ARMCX4: variants seen among roughly 807,000 people sequenced by gnomAD.
The protein encoded by ARMCX4 is armadillo repeat-containing X-linked protein 4.
In ARMCX4, 3 loss-of-function variants were observed where a neutral mutation model predicts 34.7. The ratio of observed to expected loss-of-function variants is 0.09; its 90% CI spans 0.04 to 0.22. The LOEUF is 0.22. Ranked by LOEUF, ARMCX4 falls within the 10% of genes least tolerant of loss-of-function variation. ARMCX4 has a pLI of 1.00. For missense variants in ARMCX4, 1,448 were observed against 1,720.8 expected (o/e 0.84, Z 2.81); for synonymous variants, 513 against 632.8 (o/e 0.81, Z 2.84).
chrX:101,443,947 A>G, intron 2 of ARMCX4: 1 of 380,648 alleles, frequency 2.6e-6, no homozygotes, highest in Non-Finnish European at 5.1e-6. Flanking sequence ...CATAGTTGGA[A>G]TTGCCATCAA....
At position 101,495,441 on chromosome X, in the gene ARMCX4, G is replaced by A; in HGVS notation, c.6852G>A (p.Glu2284=). 9.0e-7 allele frequency: 1 copy of A among 1,110,146 alleles called. No individual in the cohort carries two copies. Among genetic ancestry groups the A allele is most frequent in the Non-Finnish European group, 1.2e-6 (1 of 851,348 alleles). The allele number at this position is 1,110,146 out of a possible 1,213,427, so 91.5% of individuals were successfully genotyped here. ...ACCCTGAGGTGAAAGAGAGAGTTGA[G>A]CTATTAATAAGTAAACTCTGATTGG... ...CNDPEVKERV[E]LLISKL Residue 2284 remains glutamate, a synonymous_variant, in exon 6 of 6, where the codon GAG becomes GAA. Coordinates refer to ENST00000423738, the MANE Select transcript of ARMCX4 (RefSeq NM_001256155.3).
intron 7 of ARMCX4, among the ~76,000 whole-genome samples, chrX:101,502,136 A>G (rs1556013816): frequency 8.9e-6 from 1 of 112,632 alleles, no homozygotes; most frequent in Non-Finnish European, 1.9e-5. Context: ...ATGCCTGACT[A>G]TAGAACATCT....
chrX:101,512,852 G>GTA (rs1375547243), intron 11 of ARMCX4, among the ~76,000 whole-genome samples: 1 of 47,981 alleles, frequency 2.1e-5, no homozygotes, highest in Non-Finnish European at 4.2e-5. Flanking sequence ...GTATATATGT[G>GTA]TATATATGTA....
At chrX:101,507,544 C>T (rs925643801) in intron 8 of ARMCX4, among the ~76,000 whole-genome samples, 2 of 111,351 alleles carry the variant, frequency 1.8e-5, no homozygotes, top group African/African-American at 6.5e-5. Flanking sequence ...TAGAAACTCC[C>T]TTGTCATCAT....
At chrX:101,451,474 T>C (rs1432630931), downstream of ARMCX4, among the ~76,000 whole-genome samples, 1 of 112,291 alleles carries the variant, frequency 8.9e-6, no homozygotes. Context: ...CAATTCATGA[T>C]GGTCTTTCCT....
intron 11 of ARMCX4, among the ~76,000 whole-genome samples, chrX:101,524,870 G>T (rs373314281): frequency 4.5e-5 from 5 of 112,021 alleles, no homozygotes; most frequent in Non-Finnish European, 9.4e-5. Flanking sequence ...TGGGGGCAGG[G>T]CATAGCCTAA....
chrX:101,437,128 A>G (rs1555995047), intron 2 of ARMCX4, among the ~76,000 whole-genome samples: 1 of 111,632 alleles, frequency 9.0e-6, no homozygotes, highest in Non-Finnish European at 1.9e-5. Context: ...TGTCTCTGTC[A>G]GGCTTTGGTA....
chrX:101,473,628 C>A (rs1317007716), intron 4 of ARMCX4, among the ~76,000 whole-genome samples: 1 of 109,259 alleles, frequency 9.2e-6, no homozygotes, highest in Non-Finnish European at 1.9e-5. Flanking sequence ...ACAGTGCAAT[C>A]AAACTAGAAC....
chrX:101,515,413 CTCTTCCTT>C (rs1306374927), intron 11 of ARMCX4, among the ~76,000 whole-genome samples: 4 of 12,501 alleles, frequency 3.2e-4, no homozygotes, highest in African/African-American at 1.2e-3. Flanking sequence ...CTCCCTCCCT[CTCTTCCTT>C]CCTTCCTTCC....
intron 4 of ARMCX4, among the ~76,000 whole-genome samples, chrX:101,473,188 A>G (rs1603188798): frequency 2.7e-5 from 3 of 110,874 alleles, no homozygotes; most frequent in East Asian, 2.8e-4. Flanking sequence ...CTTTAAACCA[A>G]CAAAGATCAA....
downstream of ARMCX4, among the ~76,000 whole-genome samples, chrX:101,446,956 A>C (rs1369701299): frequency 9.1e-6 from 1 of 109,416 alleles, no homozygotes; most frequent in Non-Finnish European, 1.9e-5. Context: ...TCCGTCTCAA[A>C]AAAAAAAAAA....
At chrX:101,508,872 C>T (rs1481113056) in intron 8 of ARMCX4, among the ~76,000 whole-genome samples, 1 of 111,341 alleles carries the variant, frequency 9.0e-6, no homozygotes, top group East Asian at 2.8e-4. Flanking sequence ...TGTAATCATA[C>T]ATTTCTACAT....
chrX:101,493,587 T>C lies in ARMCX4; in HGVS notation c.4998T>C (p.Ala1666=). ...CCAAGCCTGAATTTGAGGATCAGGCTTGTGGAGGAGGCTCCTGGGCTGGTG... is the reference window on the plus strand; with the variant it reads ...CCAAGCCTGAATTTGAGGATCAGGCCTGTGGAGGAGGCTCCTGGGCTGGTG... ...DCSKPEFEDQ[A]CGGGSWAGAG... is the part of the protein sequence containing the mutation. The change falls in exon 6 of 6, where the codon GCT becomes GCC. Residue 1666 remains alanine, a synonymous_variant. Coordinates refer to ENST00000423738, the MANE Select transcript of ARMCX4 (RefSeq NM_001256155.3). 8.7e-7 allele frequency: 1 copy of C among 1,152,768 alleles called. No individual in the cohort carries two copies. Among genetic ancestry groups the C allele is most frequent in the Non-Finnish European group, 1.1e-6 (1 of 871,825 alleles).
At chrX:101,424,049 G>T (rs782049384) in intron 2 of ARMCX4, among the ~76,000 whole-genome samples, 74 of 110,703 alleles carry the variant, frequency 6.7e-4, no homozygotes, top group African/African-American at 2.3e-3. Context: ...TTTTAGTAGA[G>T]ACAGGGTTTT....
chrX:101,446,992 A>G (rs1931688698), downstream of ARMCX4, among the ~76,000 whole-genome samples: 1 of 110,542 alleles, frequency 9.0e-6, no homozygotes, highest in Admixed American at 9.6e-5. Context: ...AAGTCATTTG[A>G]AGGTTTCGGG....
intron 2 of ARMCX4, among the ~76,000 whole-genome samples, chrX:101,434,342 C>T (rs887013595): frequency 2.8e-5 from 3 of 108,285 alleles, no homozygotes; most frequent in African/African-American, 3.4e-5. Context: ...CAACCTCCGC[C>T]GCCCAAGCGA....
chrX:101,436,460 T>C (rs1363715701), intron 2 of ARMCX4, among the ~76,000 whole-genome samples: 1 of 110,767 alleles, frequency 9.0e-6, no homozygotes, highest in African/African-American at 3.3e-5. Flanking sequence ...GTTATTGGTG[T>C]ATAAGAATGC....
intron 2 of ARMCX4, among the ~76,000 whole-genome samples, chrX:101,435,228 G>A (rs1338844993): frequency 8.9e-6 from 1 of 111,952 alleles, no homozygotes; most frequent in Non-Finnish European, 1.9e-5. Flanking sequence ...CTTCCACAGT[G>A]GTTGAACTAG....
intron 11 of ARMCX4, among the ~76,000 whole-genome samples, chrX:101,529,905 C>A (rs1430879705): frequency 9.0e-6 from 1 of 111,678 alleles, no homozygotes; most frequent in African/African-American, 3.3e-5. Context: ...ACTAGTTCAA[C>A]CATTGTGGAA....
Sources: allele counts gnomAD v4.1 joint callset (sites outside exome capture counted in the v4.1 genomes callset), GRCh38; gene constraint gnomAD v4.1.1; transcripts MANE v1.5; gene names NCBI Gene and HGNC (gene_info 2026-07-23, HGNC 2026-07-21).